Variants in FARP1 observed in about 807,000 individuals in gnomAD.
The protein encoded by FARP1 is FERM, ARHGEF and pleckstrin domain-containing protein 1.
FARP1 carries 52 observed loss-of-function variants against 128.8 expected under a neutral mutation model. The ratio of observed to expected loss-of-function variants is 0.40; its 90% CI spans 0.32 to 0.51. The LOEUF (loss-of-function observed/expected upper bound fraction) is 0.51, where lower values mean the gene tolerates loss of function less well. Ranked by LOEUF, FARP1 falls within the 20% of genes least tolerant of loss-of-function variation. FARP1 has a pLI of 0.45. For missense variants in FARP1, 1,333 were observed against 1,367.9 expected (o/e 0.97, Z 0.40); for synonymous variants, 580 against 551.8 (o/e 1.05, Z -0.72).
chr13:98,194,836 C>CTAGTGTG (rs1016171826), intron 1 of FARP1, among the ~76,000 whole-genome samples: 4 of 152,132 alleles, frequency 2.6e-5, no homozygotes, highest in Non-Finnish European at 5.9e-5. Flanking sequence ...TAAAGTGTTC[C>CTAGTGTG]TAGTGTATGT....
chr13:98,408,322 C>CTTTTTTTT, intron 13 of FARP1, among the ~76,000 whole-genome samples: 2 of 90,142 alleles, frequency 2.2e-5, no homozygotes, highest in Non-Finnish European at 4.1e-5. Flanking sequence ...GTAATATATA[C>CTTTTTTTT]TTTTTTTTTT....
intron 2 of FARP1, among the ~76,000 whole-genome samples, chr13:98,279,197 A>G (rs950331219): frequency 6.6e-6 from 1 of 152,172 alleles, no homozygotes; most frequent in African/African-American, 2.4e-5. Flanking sequence ...TTCTAAGTAC[A>G]ATAGAAAAAA....
chr13:98,388,960 G>C (rs1890203428), intron 9 of FARP1, among the ~76,000 whole-genome samples: 1 of 152,194 alleles, frequency 6.6e-6, no homozygotes, highest in Non-Finnish European at 1.5e-5. Flanking sequence ...GCCTAACACT[G>C]TGGCCCACGC....
chr13:98,262,622 G>A (rs1883936224), intron 2 of FARP1, among the ~76,000 whole-genome samples: 5 of 152,196 alleles, frequency 3.3e-5, no homozygotes, highest in Admixed American at 3.3e-4. Flanking sequence ...CACGCATTTT[G>A]TGTTTATTGG....
intron 16 of FARP1, among the ~76,000 whole-genome samples, chr13:98,414,705 G>A (rs901725433): frequency 1.3e-5 from 2 of 152,168 alleles, no homozygotes; most frequent in African/African-American, 4.8e-5. Flanking sequence ...GCCCTAAAAT[G>A]CCTCATTAAA....
chr13:98,443,104 G>A (rs1466364769), intron 24 of FARP1, among the ~76,000 whole-genome samples: 2 of 152,244 alleles, frequency 1.3e-5, no homozygotes, highest in Non-Finnish European at 2.9e-5. Flanking sequence ...ATCTAGCCCC[G>A]GCCTGGTGGC....
At chr13:98,342,687 C>A (rs1888020370) in intron 2 of FARP1, among the ~76,000 whole-genome samples, 1 of 150,574 alleles carries the variant, frequency 6.6e-6, no homozygotes, top group Non-Finnish European at 1.5e-5. Flanking sequence ...GTGACAAAAG[C>A]AAGACTCTGT....
At chr13:98,383,073 C>G (rs1370776866) in intron 6 of FARP1, among the ~76,000 whole-genome samples, 1 of 152,176 alleles carries the variant, frequency 6.6e-6, no homozygotes, top group African/African-American at 2.4e-5. Context: ...ACTCTAGGAA[C>G]CTCACCCCGT....
intron 26 of FARP1, chr13:98,447,884 A>C (rs1167429942): frequency 7.6e-6 from 2 of 262,364 alleles, no homozygotes; most frequent in Admixed American, 5.1e-5. Context: ...GAGAGCTTCC[A>C]CTAAGCAGGA....
intron 6 of FARP1, among the ~76,000 whole-genome samples, chr13:98,378,964 T>TGTA (rs1889727037): frequency 2.1e-5 from 2 of 96,528 alleles, no homozygotes; most frequent in South Asian, 6.3e-4. Context: ...ATATAATATA[T>TGTA]ACAATATATA....
intron 2 of FARP1, among the ~76,000 whole-genome samples, chr13:98,342,852 C>G (rs1041801912): frequency 8.6e-5 from 13 of 151,764 alleles, no homozygotes; most frequent in African/African-American, 3.1e-4. Flanking sequence ...TGGAGAAACC[C>G]CATCTCTACT....
intron 2 of FARP1, among the ~76,000 whole-genome samples, chr13:98,316,385 G>A (rs538327802): frequency 6.6e-6 from 1 of 152,288 alleles, no homozygotes; most frequent in Non-Finnish European, 1.5e-5. Flanking sequence ...GGTAGTTCTT[G>A]GATCATCCCA....
rs563253173 is a variant in FARP1, at chr13:98,326,008, T to C, written c.172-17754T>C. 2.0e-5 allele frequency among the ~76,000 whole-genome samples: 3 copies of C among 152,370 alleles called. No homozygotes were observed. In the East Asian group the frequency reaches 5.8e-4, roughly 29 times the overall value. ...AGTGAAAATGGAGCTGTTAATGATA[T>C]AATAAATGCTTCTGAAATTTTTCTA... On this transcript the variant is annotated intron_variant, in intron 2 of 26. Transcript: ENST00000319562.
chr13:98,386,768 A>G (rs1365419811), intron 8 of FARP1, among the ~76,000 whole-genome samples: 1 of 147,056 alleles, frequency 6.8e-6, no homozygotes. Context: ...CCCTTTATTG[A>G]GCTCTTCCAG....
At chr13:98,153,568 T>A (rs11617399) in intron 1 of FARP1, among the ~76,000 whole-genome samples, 11 of 21,726 alleles carry the variant, frequency 5.1e-4, no homozygotes, top group South Asian at 6.4e-3. Context: ...TTATATATAT[T>A]ATATATATAT....
chr13:98,276,444 A>G lies in FARP1; in HGVS notation c.171+63031A>G, dbSNP rs577886606. Reference sequence around the variant, plus strand: ...TAACAGTTGAAAAAAAGCAAAACACAAGATTATAGGTAAGACTTGATTACA... The same window carrying G: ...TAACAGTTGAAAAAAAGCAAAACACGAGATTATAGGTAAGACTTGATTACA... On this transcript the variant is annotated intron_variant, in intron 2 of 26. Coordinates refer to ENST00000319562, the MANE Select transcript of FARP1 (RefSeq NM_005766.4). Among the ~76,000 whole-genome samples the G allele has an allele frequency of 2.6e-5, 4 of 152,340 alleles. No individual in the cohort carries two copies. The South Asian group carries it at 8.3e-4, about 32-fold the overall frequency.
chr13:98,270,414 G>A (rs569148693), intron 2 of FARP1, among the ~76,000 whole-genome samples: 1 of 152,284 alleles, frequency 6.6e-6, no homozygotes, highest in Admixed American at 6.5e-5. Flanking sequence ...ATGTAAGATT[G>A]CACATCTGGT....
chr13:98,263,016 A>G (rs563216901), intron 2 of FARP1, among the ~76,000 whole-genome samples: 4,593 of 149,406 alleles, frequency 0.031, 140 homozygotes, highest in African/African-American at 0.078. Flanking sequence ...TATTATTATT[A>G]TTGTTTTTTG....
At chr13:98,392,920 C>T (rs529606863) in intron 11 of FARP1, among the ~76,000 whole-genome samples, 2 of 152,124 alleles carry the variant, frequency 1.3e-5, no homozygotes, top group South Asian at 2.1e-4. Flanking sequence ...GCCCAGTTCT[C>T]TCTCTGATTC....
Sources: gnomAD v4.1 joint callset for allele counts (sites outside exome capture counted in the v4.1 genomes callset) on GRCh38, gnomAD v4.1.1 for gene constraint, MANE v1.5 for transcripts, NCBI Gene and HGNC (gene_info 2026-07-23, HGNC 2026-07-21) for gene names.